ESCO2: variants seen among roughly 807,000 people sequenced by gnomAD.
The protein encoded by ESCO2 is establishment of sister chromatid cohesion N-acetyltransferase 2, also known as N-acetyltransferase ESCO2.
In ESCO2, 51 loss-of-function variants were observed where a neutral mutation model predicts 61.7. The observed-to-expected ratio is 0.83, with a 90% CI of 0.66 to 1.04. The LOEUF is 1.04. Ranked by LOEUF, ESCO2 falls within the 50% of genes least tolerant of loss-of-function variation. ESCO2 has a pLI of 0.00. For synonymous variants in ESCO2, 230 were observed against 238.2 expected (o/e 0.97, Z 0.32); for missense variants, 692 against 686.2 (o/e 1.01, Z -0.09).
rs532061731 is a variant in ESCO2 at position 27,777,109 on chromosome 8, A to G, written c.801A>G (p.Glu267=). 8.1e-6 allele frequency: 13 copies of G among 1,596,112 alleles called. No individual in the cohort carries two copies. In the African/African-American group the frequency reaches 1.1e-4, roughly 13 times the overall value. ...TRQVPKCLVL[E]EKLKIGLLSA... The stretch of plus-strand genomic sequence containing the variant: ...AAGTGCCAAAGTGCTTGGTCCTAGA[A>G]GAGAAATTGAAAATTGGACTACTGA... Residue 267 remains glutamate, a synonymous_variant, in exon 3 of 11, where the codon GAA becomes GAG. Coordinates refer to ENST00000305188, the MANE Select transcript of ESCO2 (RefSeq NM_001017420.3).
chr8:27,774,854 C>T (rs1307115320), intron 1 of ESCO2: 1 of 152,396 alleles, frequency 6.6e-6, no homozygotes, highest in Non-Finnish European at 1.5e-5. Flanking sequence ...GTTTCCCTGA[C>T]CGGGTTCAGG....
chr8:27,782,938 A>G (rs1804957584), intron 4 of ESCO2, among the ~76,000 whole-genome samples: 1 of 151,990 alleles, frequency 6.6e-6, no homozygotes, highest in Admixed American at 6.5e-5. Flanking sequence ...CACAGTCTGC[A>G]TTCCATCTTA....
intron 4 of ESCO2, among the ~76,000 whole-genome samples, chr8:27,780,512 G>A (rs1381803201): frequency 6.6e-6 from 1 of 152,174 alleles, no homozygotes; most frequent in East Asian, 1.9e-4. Flanking sequence ...TTGGTCTATG[G>A]CTGTGGCCAA....
At chr8:27,785,283 C>T (rs1208844559) in intron 5 of ESCO2, among the ~76,000 whole-genome samples, 2 of 152,202 alleles carry the variant, frequency 1.3e-5, no homozygotes, top group African/African-American at 4.8e-5. Flanking sequence ...TCTTATTAGG[C>T]CCCACCTCCC....
At chr8:27,811,716 T>G (rs979623462), downstream of ESCO2, among the ~76,000 whole-genome samples, 8 of 152,300 alleles carry the variant, frequency 5.3e-5, no homozygotes, top group Middle Eastern at 3.4e-3. Flanking sequence ...TTGGACTAAA[T>G]CTCTGGATCA....
chr8:27,819,348 A>G, the ESCO2 span, among the ~76,000 whole-genome samples: 5 of 152,154 alleles, frequency 3.3e-5, no homozygotes, highest in African/African-American at 1.2e-4. Context: ...CATAAAAGTT[A>G]AATAATGAAA....
At chr8:27,772,470 C>A, upstream of ESCO2, 1 of 1,543,778 alleles carries the variant, frequency 6.5e-7, no homozygotes, top group East Asian at 2.5e-5. Context: ...GGCTTCGGAG[C>A]CCGCTGTCCA....
chr8:27,804,648 T>G lies in ESCO2; in HGVS notation c.*1210T>G, dbSNP rs144851720. On this transcript the variant is annotated 3_prime_UTR_variant, in exon 11 of 11. Transcript: ENST00000305188. Reference sequence around the variant, plus strand: ...CAATAAGACTCTAGGCAAGTCGTTTTCCAGATTGTAATTATATGTAGAAAC... The same window carrying G: ...CAATAAGACTCTAGGCAAGTCGTTTGCCAGATTGTAATTATATGTAGAAAC... 2.6e-4 allele frequency: 256 copies of G among 985,430 alleles called. No homozygotes were observed. In the African/African-American group the frequency reaches 4.2e-3, roughly 16 times the overall value. 61.0% of individuals were successfully genotyped at this position (985,430 alleles called of 1,614,324 possible).
At chr8:27,782,928 C>T (rs1804957261) in intron 4 of ESCO2, among the ~76,000 whole-genome samples, 1 of 152,090 alleles carries the variant, frequency 6.6e-6, no homozygotes, top group African/African-American at 2.4e-5. Context: ...ATTCATTTCT[C>T]ACAGTCTGCA....
chr8:27,811,832 G>C (rs950113700), downstream of ESCO2: 3 of 152,218 alleles, frequency 2.0e-5, no homozygotes, highest in Admixed American at 6.5e-5. Flanking sequence ...ATGCTTTATA[G>C]TATTCATTAC....
At chr8:27,795,346 C>CA (rs1805270754) in intron 9 of ESCO2, among the ~76,000 whole-genome samples, 7 of 152,268 alleles carry the variant, frequency 4.6e-5, no homozygotes, top group Admixed American at 1.3e-4. Flanking sequence ...TATAGAAACA[C>CA]TACTGACTTT....
At chr8:27,777,358 T>TGA (rs1456489101) in intron 3 of ESCO2, 189 bp downstream of exon 3, 2 of 505,654 alleles carry the variant, frequency 4.0e-6, no homozygotes, top group Non-Finnish European at 6.6e-6. Context: ...CAGGCTGTAG[T>TGA]GCAGTGGCAC....
chr8:27,789,920 A>G (rs544851417), intron 7 of ESCO2, among the ~76,000 whole-genome samples: 3 of 152,336 alleles, frequency 2.0e-5, no homozygotes, highest in Admixed American at 1.3e-4. Flanking sequence ...CATATAAAAT[A>G]CATACAAAAG....
rs1805522738 is a variant in ESCO2, at chr8:27,804,640, A to G, written c.*1202A>G. 1 of 985,304 alleles carries G rather than the reference A, an allele frequency of 1.0e-6. No homozygotes were observed. The highest frequency in any genetic ancestry group is 6.1e-5 in the Admixed American group (1 of 16,268). 61.0% of individuals were successfully genotyped at this position (985,304 alleles called of 1,614,324 possible). ...CTAACTGGCAATAAGACTCTAGGCA[A>G]GTCGTTTTCCAGATTGTAATTATAT... On this transcript the variant is annotated 3_prime_UTR_variant, in exon 11 of 11. Coordinates refer to ENST00000305188, the MANE Select transcript of ESCO2 (RefSeq NM_001017420.3).
downstream of ESCO2, among the ~76,000 whole-genome samples, chr8:27,806,556 T>C (rs1805567411): frequency 6.6e-6 from 1 of 152,116 alleles, no homozygotes; most frequent in Admixed American, 6.6e-5. Context: ...ATTGGAATTG[T>C]GTCAGATCTA....
intron 3 of ESCO2, chr8:27,778,576 G>A (rs1006544157): frequency 6.6e-6 from 1 of 152,108 alleles, no homozygotes; most frequent in Non-Finnish European, 1.5e-5. Flanking sequence ...AGCTAAAATT[G>A]TCTCAATCCA....
chr8:27,785,505 T>G lies in ESCO2; in HGVS notation c.1013+1448T>G, dbSNP rs148253439. On this transcript the variant is annotated intron_variant, in intron 5 of 10. Transcript: ENST00000305188. ...TCACCTGAGGTCTGGAGTTTGAGAC[T>G]AGCCTGGCCAACATGGGGAAACCGT... is the stretch of plus-strand genomic sequence containing the variant. 8.7e-3 allele frequency among the ~76,000 whole-genome samples: 1,331 copies of G among 152,204 alleles called. 17 individuals carry two copies. The highest frequency in any genetic ancestry group is 0.03 in the African/African-American group (1,255 of 41,524).
chr8:27,784,140 A>T, intron 5 of ESCO2, 83 bp downstream of exon 5: 1 of 1,380,438 alleles, frequency 7.2e-7, no homozygotes, highest in Non-Finnish European at 1.0e-6. Context: ...CATGCTACTT[A>T]ATTTGGGGAG....
chr8:27,780,963 G>C (rs1804913619), intron 4 of ESCO2, among the ~76,000 whole-genome samples: 1 of 152,024 alleles, frequency 6.6e-6, no homozygotes, highest in Admixed American at 6.6e-5. Context: ...TTCATAGATT[G>C]TGCTCAAAGC....
Sources: gnomAD v4.1 joint callset for allele counts (sites outside exome capture counted in the v4.1 genomes callset) on GRCh38, gnomAD v4.1.1 for gene constraint, MANE v1.5 for transcripts, NCBI Gene and HGNC (gene_info 2026-07-23, HGNC 2026-07-21) for gene names.